The following TMEM108 variants were observed in gnomAD, a reference collection of about 807,000 sequenced individuals.
TMEM108 encodes cancer/testis antigen 124.
TMEM108 carries 12 observed loss-of-function variants against 35.1 expected under a neutral mutation model. That is an observed-to-expected ratio of 0.34 (90% CI 0.22 to 0.55). TMEM108 has a LOEUF of 0.55. Among genes scored for constraint, TMEM108 ranks in the 20% least tolerant of loss-of-function variants. The pLI is 0.89. For missense variants in TMEM108, 680 were observed against 753.3 expected (o/e 0.90, Z 1.14); for synonymous variants, 287 against 308.6 (o/e 0.93, Z 0.73).
At chr3:133,111,622 T>C (rs1297371770) in intron 2 of TMEM108, among the ~76,000 whole-genome samples, 2 of 152,146 alleles carry the variant, frequency 1.3e-5, no homozygotes, top group Non-Finnish European at 2.9e-5. Flanking sequence ...TTGCGTGCAT[T>C]TTATCATACT....
At chr3:133,390,898 G>C (rs904183233) in intron 5 of TMEM108, among the ~76,000 whole-genome samples, 1 of 152,204 alleles carries the variant, frequency 6.6e-6, no homozygotes, top group African/African-American at 2.4e-5. Flanking sequence ...GATCTGAAGG[G>C]AAAGAAGAAT....
chr3:133,304,577 A>G (rs1312765292), intron 3 of TMEM108, among the ~76,000 whole-genome samples: 1 of 152,156 alleles, frequency 6.6e-6, no homozygotes, highest in East Asian at 1.9e-4. Context: ...CAGATTATTC[A>G]TATAGATGAA....
At chr3:133,333,173 G>T (rs2071419275) in intron 3 of TMEM108, among the ~76,000 whole-genome samples, 1 of 152,040 alleles carries the variant, frequency 6.6e-6, no homozygotes, top group Non-Finnish European at 1.5e-5. Context: ...GCCATACACT[G>T]GCTATTAAAT....
chr3:133,104,843 C>CCCCTGCTGGGTGCTGAGCTT (rs1413168763), intron 2 of TMEM108, among the ~76,000 whole-genome samples: 1 of 152,172 alleles, frequency 6.6e-6, no homozygotes, highest in Non-Finnish European at 1.5e-5. Flanking sequence ...ATCCCTCAGG[C>CCCCTGCTGGGTGCTGAGCTT]CCCTGCTGGG....
At chr3:133,180,732 G>T (rs1043595368) in intron 2 of TMEM108, among the ~76,000 whole-genome samples, 1 of 152,016 alleles carries the variant, frequency 6.6e-6, no homozygotes, top group Non-Finnish European at 1.5e-5. Context: ...TTTGCAGCTT[G>T]ATCTTCTTTT....
intron 2 of TMEM108, among the ~76,000 whole-genome samples, chr3:133,176,739 C>T (rs192492986): frequency 2.0e-5 from 3 of 152,170 alleles, no homozygotes; most frequent in African/African-American, 7.2e-5. Flanking sequence ...TCGACACCAA[C>T]ATCACAATTA....
intron 3 of TMEM108, among the ~76,000 whole-genome samples, chr3:133,301,164 C>T (rs1947220244): frequency 6.6e-6 from 1 of 152,132 alleles, no homozygotes; most frequent in Non-Finnish European, 1.5e-5. Context: ...ATGCCAAGTA[C>T]ACATCCTGCA....
intron 2 of TMEM108, among the ~76,000 whole-genome samples, chr3:133,177,630 A>T (rs1014052519): frequency 2.6e-5 from 4 of 152,350 alleles, no homozygotes; most frequent in African/African-American, 9.6e-5. Flanking sequence ...TTCATGCTAA[A>T]AACTCTCAAT....
chr3:133,175,121 A>G (rs1276735757), intron 2 of TMEM108, among the ~76,000 whole-genome samples: 1 of 152,212 alleles, frequency 6.6e-6, no homozygotes, highest in Non-Finnish European at 1.5e-5. Context: ...AGGGAAGTTT[A>G]GAGAAAAAAG....
At chr3:133,264,304 C>CAA (rs5852741) in intron 3 of TMEM108, among the ~76,000 whole-genome samples, 43 of 148,588 alleles carry the variant, frequency 2.9e-4, no homozygotes, top group South Asian at 6.4e-4. Context: ...GACTGAGTCT[C>CAA]AAAAAAAAAA....
At chr3:133,357,428 T>G (rs2072206110) in intron 3 of TMEM108, among the ~76,000 whole-genome samples, 1 of 152,134 alleles carries the variant, frequency 6.6e-6, no homozygotes, top group African/African-American at 2.4e-5. Context: ...CTCTACTGGG[T>G]ATCTACCAAA....
chr3:133,177,556 C>A (rs192524551), intron 2 of TMEM108, among the ~76,000 whole-genome samples: 10,640 of 151,736 alleles, frequency 0.07, 402 homozygotes, highest in Non-Finnish European at 0.091. Context: ...ACAGAACCAA[C>A]GACAAAAACC....
intron 3 of TMEM108, among the ~76,000 whole-genome samples, chr3:133,286,200 C>T (rs759689983): frequency 5.3e-5 from 8 of 152,192 alleles, no homozygotes; most frequent in Non-Finnish European, 8.8e-5. Context: ...TATAGTATCT[C>T]AATGGGATGA....
At chr3:133,310,530 C>CTTTTTTTTTTTTGTTTTT (rs2071112158) in intron 3 of TMEM108, among the ~76,000 whole-genome samples, 1 of 22,212 alleles carries the variant, frequency 4.5e-5, no homozygotes, top group African/African-American at 1.5e-4. Context: ...GCAACCCCTG[C>CTTTTTTTTTTTTGTTTTT]TTTTTTTTTT....
intron 2 of TMEM108, among the ~76,000 whole-genome samples, chr3:133,054,228 A>T (rs1237049362): frequency 3.3e-5 from 5 of 152,222 alleles, no homozygotes; most frequent in Non-Finnish European, 7.3e-5. Context: ...TTCAGAAAGG[A>T]TACATGTTTA....
At chr3:133,096,813 G>T (rs1378440676) in intron 2 of TMEM108, among the ~76,000 whole-genome samples, 1 of 152,202 alleles carries the variant, frequency 6.6e-6, no homozygotes. Flanking sequence ...ACAGAAGACT[G>T]TGGGTGAACT....
intron 2 of TMEM108, among the ~76,000 whole-genome samples, chr3:133,061,888 G>T (rs1402373915): frequency 2.0e-5 from 3 of 152,224 alleles, no homozygotes; most frequent in Non-Finnish European, 1.5e-5. Flanking sequence ...ATTAGTGATT[G>T]CTTTGCGTTC....
At chr3:133,293,434 A>T (rs1947100711) in intron 3 of TMEM108, among the ~76,000 whole-genome samples, 1 of 150,752 alleles carries the variant, frequency 6.6e-6, no homozygotes, top group Non-Finnish European at 1.5e-5. Flanking sequence ...TAGGCTTGGG[A>T]ATTAAATTGT....
intron 2 of TMEM108, among the ~76,000 whole-genome samples, chr3:133,226,904 G>A (rs1946079548): frequency 6.6e-6 from 1 of 152,162 alleles, no homozygotes; most frequent in Non-Finnish European, 1.5e-5. Context: ...ATGGTGGGAG[G>A]CAAGGGAGGA....
Sources: gnomAD v4.1 joint callset for allele counts (sites outside exome capture counted in the v4.1 genomes callset) on GRCh38, gnomAD v4.1.1 for gene constraint, MANE v1.5 for transcripts, NCBI Gene and HGNC (gene_info 2026-07-23, HGNC 2026-07-21) for gene names.